Variants in NUFIP2 observed in about 807,000 individuals in gnomAD.
The protein encoded by NUFIP2 is FMR1-interacting protein NUFIP2.
A neutral mutation model predicts 56.9 loss-of-function variants in NUFIP2; 6 were observed. That is an observed-to-expected ratio of 0.11 (90% CI 0.06 to 0.21). The LOEUF (loss-of-function observed/expected upper bound fraction) is 0.21, where lower values mean the gene tolerates loss of function less well. Ranked by LOEUF, NUFIP2 falls within the 10% of genes least tolerant of loss-of-function variation. The pLI, the probability that NUFIP2 is intolerant of heterozygous loss-of-function variation, is 1.00. For missense variants in NUFIP2, 828 were observed against 826.8 expected (o/e 1.00, Z -0.02); for synonymous variants, 321 against 298.2 (o/e 1.08, Z -0.79).
At position 29,266,695 on chromosome 17, in the gene NUFIP2, C is replaced by G. The variant is rs73987218; in HGVS notation, c.2035+803G>C. 9.3e-3 allele frequency among the ~76,000 whole-genome samples: 1,409 copies of G among 151,922 alleles called. 16 individuals carry two copies. The highest frequency in any genetic ancestry group is 0.032 in the African/African-American group (1,347 of 41,472). ...GAAAGACCAGCCAAAAGTGGAAATA[C>G]TTATTCTTGTTGGTTTCCTACATTA... On this transcript the variant is annotated intron_variant, in intron 3 of 3. Coordinates refer to ENST00000225388, the MANE Select transcript of NUFIP2 (RefSeq NM_020772.3).
rs375940958 is a variant in NUFIP2 at position 29,260,041 on chromosome 17, C to T, written c.*4498G>A. 2.0e-5 allele frequency: 3 copies of T among 152,166 alleles called. No individual in the cohort carries two copies. Among genetic ancestry groups the T allele is most frequent in the East Asian group, 3.9e-4 (2 of 5,194 alleles). 9.4% of individuals were successfully genotyped at this position (152,166 alleles called of 1,614,324 possible). On this transcript the variant is annotated 3_prime_UTR_variant, in exon 4 of 4. Coordinates refer to ENST00000225388, the MANE Select transcript of NUFIP2 (RefSeq NM_020772.3). ...TTCACCATGAAAGAATCTTGGTGCTCTGTTGATTAATTACATTAGTAAAAA... is the reference window on the plus strand; with the variant it reads ...TTCACCATGAAAGAATCTTGGTGCTTTGTTGATTAATTACATTAGTAAAAA...
At chr17:29,267,236 T>G (rs2069043281) in intron 3 of NUFIP2, among the ~76,000 whole-genome samples, 3 of 148,988 alleles carry the variant, frequency 2.0e-5, no homozygotes, top group African/African-American at 7.4e-5. Flanking sequence ...ATTTAAAAAA[T>G]AGAGACGGGG....
rs1483185719 is a variant in NUFIP2, at chr17:29,262,874, C to G, written c.*1665G>C. The G allele has an allele frequency of 1.3e-5, 2 of 152,196 alleles. No homozygotes were observed. Among genetic ancestry groups the G allele is most frequent in the Non-Finnish European group, 2.9e-5 (2 of 67,980 alleles). 9.4% of individuals were successfully genotyped at this position (152,196 alleles called of 1,614,324 possible). The stretch of plus-strand genomic sequence containing the variant: ...TTACTCTACTCTATGTTGAGTCCAA[C>G]AGCTTCTTTCATGAACTACTTGTTT... On this transcript the variant is annotated 3_prime_UTR_variant, in exon 4 of 4. Transcript: ENST00000225388.
intron 2 of NUFIP2, among the ~76,000 whole-genome samples, chr17:29,276,315 T>G (rs1244817246): frequency 6.6e-6 from 1 of 152,102 alleles, no homozygotes; most frequent in Non-Finnish European, 1.5e-5. Flanking sequence ...ATAAACAGAC[T>G]AATGCCCACT....
intron 2 of NUFIP2, among the ~76,000 whole-genome samples, chr17:29,273,290 G>A (rs1047092027): frequency 5.3e-5 from 8 of 151,720 alleles, no homozygotes; most frequent in Non-Finnish European, 1.2e-4. Context: ...CACCCGCCTC[G>A]GCCTCCCAAA....
At chr17:29,285,309 T>A (rs970902479) in intron 2 of NUFIP2, among the ~76,000 whole-genome samples, 3 of 133,042 alleles carry the variant, frequency 2.3e-5, no homozygotes, top group Non-Finnish European at 3.2e-5. Context: ...CAAAAACAAA[T>A]AAGCAAATGG....
rs773118902 is a variant in NUFIP2, at chr17:29,259,198, G to T, written c.*5341C>A. The T allele has an allele frequency of 1.3e-5, 2 of 152,076 alleles. No homozygotes were observed. The highest frequency in any genetic ancestry group is 2.9e-5 in the Non-Finnish European group (2 of 68,022). The allele number at this position is 152,076 out of a possible 1,614,324, so 9.4% of individuals were successfully genotyped here. A position where few individuals can be genotyped will look rare whatever the true frequency, so the allele number is the denominator to read the frequency against. On this transcript the variant is annotated 3_prime_UTR_variant, in exon 4 of 4. Coordinates refer to ENST00000225388, the MANE Select transcript of NUFIP2 (RefSeq NM_020772.3). ...TAATTTGCCCTCAAGTTAATTTGTT[G>T]GTCTGAAGAGTACAACAACTTTGAT...
At chr17:29,285,062 GGAAGCA>G (rs2069163902) in intron 2 of NUFIP2, among the ~76,000 whole-genome samples, 1 of 152,164 alleles carries the variant, frequency 6.6e-6, no homozygotes, top group Non-Finnish European at 1.5e-5. Flanking sequence ...CAGCACTTTG[GGAAGCA>G]GAGGCGGGCG....
intron 2 of NUFIP2, among the ~76,000 whole-genome samples, chr17:29,272,763 A>C (rs151008774): frequency 6.6e-6 from 1 of 152,052 alleles, no homozygotes; most frequent in East Asian, 1.9e-4. Flanking sequence ...TCATGTCAGT[A>C]CTGAAAAATT....
At chr17:29,276,534 C>T (rs1478666127) in intron 2 of NUFIP2, among the ~76,000 whole-genome samples, 1 of 152,106 alleles carries the variant, frequency 6.6e-6, no homozygotes, top group East Asian at 1.9e-4. Flanking sequence ...ATGGGAGTTT[C>T]ACCATGTTGG....
intron 1 of NUFIP2, among the ~76,000 whole-genome samples, chr17:29,290,061 T>C (rs113842841): frequency 1.5e-4 from 23 of 152,142 alleles, no homozygotes; most frequent in African/African-American, 3.4e-4. Context: ...ATTACAGGCA[T>C]GCACCACGAT....
intron 3 of NUFIP2, among the ~76,000 whole-genome samples, chr17:29,267,255 T>C (rs1379213309): frequency 6.6e-6 from 1 of 151,910 alleles, no homozygotes; most frequent in East Asian, 1.9e-4. Context: ...GGTCTGGCTA[T>C]GCTGCCCAGG....
chr17:29,282,819 G>A (rs2069148621), intron 2 of NUFIP2, among the ~76,000 whole-genome samples: 2 of 151,934 alleles, frequency 1.3e-5, no homozygotes, highest in East Asian at 1.9e-4. Flanking sequence ...GTTCTTAAAG[G>A]ATATTCCAGT....
intron 1 of NUFIP2, among the ~76,000 whole-genome samples, chr17:29,288,720 C>T (rs915734145): frequency 2.0e-5 from 3 of 152,216 alleles, no homozygotes; most frequent in Non-Finnish European, 4.4e-5. Context: ...GGAAATCTGA[C>T]CGCCAGTCTA....
At position 29,256,818 on chromosome 17, in the gene NUFIP2, T is replaced by C. The variant is rs1366726887; in HGVS notation, c.*7721A>G. ...TACCCAACTCCTAAACTTGTTCTAA[T>C]CAGCTTGGGCAATTTTTTAAAAGAT... is the stretch of plus-strand genomic sequence containing the variant. On this transcript the variant is annotated 3_prime_UTR_variant, in exon 4 of 4. Coordinates refer to ENST00000225388, the MANE Select transcript of NUFIP2 (RefSeq NM_020772.3). 2 of 152,226 alleles carry C rather than the reference T, an allele frequency of 1.3e-5. No individual in the cohort carries two copies. The highest frequency in any genetic ancestry group is 2.9e-5 in the Non-Finnish European group (2 of 68,044). The allele number at this position is 152,226 out of a possible 1,614,324, so 9.4% of individuals were successfully genotyped here.
At chr17:29,268,730 T>C (rs1226381641) in intron 2 of NUFIP2, among the ~76,000 whole-genome samples, 3 of 151,964 alleles carry the variant, frequency 2.0e-5, no homozygotes, top group Admixed American at 6.6e-5. Context: ...GGTTTCTCCT[T>C]GTTTGTGAGG....
At chr17:29,288,275 G>A (rs578014117) in intron 1 of NUFIP2, among the ~76,000 whole-genome samples, 31 of 152,352 alleles carry the variant, frequency 2.0e-4, no homozygotes, top group African/African-American at 7.2e-4. Context: ...TCGATCTCCT[G>A]ACCTTGTGAT....
At chr17:29,273,615 C>T (rs530670650) in intron 2 of NUFIP2, among the ~76,000 whole-genome samples, 10 of 152,312 alleles carry the variant, frequency 6.6e-5, no homozygotes, top group African/African-American at 2.4e-4. Flanking sequence ...GAAATGCTCA[C>T]AGGGCCAGAC....
rs565775739 is a variant in NUFIP2, at chr17:29,277,128, G to T, written c.2002+8864C>A. Among the ~76,000 whole-genome samples, 295 of 152,214 alleles carry T rather than the reference G, an allele frequency of 1.9e-3. 1 individual carries two copies. Among genetic ancestry groups the T allele is most frequent in the African/African-American group, 6.9e-3 (285 of 41,528 alleles). ...CAACCTCCGCCTCCCAGGTTCAACA[G>T]ATTCTCCTGCCTAAGCCTCCGGAGT... is the stretch of plus-strand genomic sequence containing the variant. On this transcript the variant is annotated intron_variant, in intron 2 of 3. Coordinates refer to ENST00000225388, the MANE Select transcript of NUFIP2 (RefSeq NM_020772.3).
Sources: allele counts gnomAD v4.1 joint callset (sites outside exome capture counted in the v4.1 genomes callset), GRCh38; gene constraint gnomAD v4.1.1; transcripts MANE v1.5; gene names NCBI Gene and HGNC (gene_info 2026-07-23, HGNC 2026-07-21).